CHRM5: variants seen among roughly 807,000 people sequenced by gnomAD.
CHRM5 encodes the protein muscarinic acetylcholine receptor M5.
CHRM5 carries 18 observed loss-of-function variants against 39.0 expected under a neutral mutation model. The observed-to-expected ratio is 0.46, with a 90% CI of 0.32 to 0.68. The LOEUF is 0.68. Ranked by LOEUF, CHRM5 falls within the 30% of genes least tolerant of loss-of-function variation. The pLI is 0.04. For missense variants in CHRM5, 515 were observed against 651.1 expected (o/e 0.79, Z 2.28); for synonymous variants, 241 against 246.3 (o/e 0.98, Z 0.20).
At chr15:33,970,097 G>A (rs948110893) in intron 1 of CHRM5, among the ~76,000 whole-genome samples, 1 of 151,982 alleles carries the variant, frequency 6.6e-6, no homozygotes, top group Non-Finnish European at 1.5e-5. Context: ...GAAGAGAGGA[G>A]ACAGGGAAAC....
At chr15:34,056,006 C>T (rs73389935) in intron 2 of CHRM5, among the ~76,000 whole-genome samples, 2,604 of 152,170 alleles carry the variant, frequency 0.017, 88 homozygotes, top group African/African-American at 0.061. Flanking sequence ...GTGTGAGCCA[C>T]CACACCCAGC....
rs561757870 is a variant in CHRM5, at chr15:33,983,175, T to C, written c.-408+14025T>C. ...GTGTGTGTGTATGTGTGTGTGTATA[T>C]ATACACACGTGTGTGTATGTGTGTG... On this transcript the variant is annotated intron_variant, in intron 1 of 2. Coordinates refer to ENST00000383263, the MANE Select transcript of CHRM5 (RefSeq NM_012125.4). 2.4e-3 allele frequency among the ~76,000 whole-genome samples: 299 copies of C among 124,358 alleles called. 1 individual carries two copies. Among genetic ancestry groups the C allele is most frequent in the Non-Finnish European group, 3.2e-3 (200 of 63,162 alleles). The allele number at this position is 124,358 out of a possible 152,430, so 81.6% of individuals were successfully genotyped here.
In CHRM5 at chr15:34,012,790, T is replaced by G. The variant is rs572268686; in HGVS notation, c.-407-33750T>G. Among the ~76,000 whole-genome samples, 537 of 152,334 alleles carry G rather than the reference T, an allele frequency of 3.5e-3. 4 individuals are homozygous for G. The highest frequency in any genetic ancestry group is 4.2e-3 in the Non-Finnish European group (284 of 68,022). Reference sequence around the variant, plus strand: ...ATTACTGAACTAGAAGGAACCTAGATAGGTCAAGCCTCTGCCCTCAAGCAA... The same window carrying G: ...ATTACTGAACTAGAAGGAACCTAGAGAGGTCAAGCCTCTGCCCTCAAGCAA... On this transcript the variant is annotated intron_variant, in intron 1 of 2. Coordinates refer to ENST00000383263, the MANE Select transcript of CHRM5 (RefSeq NM_012125.4).
intron 1 of CHRM5, among the ~76,000 whole-genome samples, chr15:33,983,215 C>CACATAT (rs1555512819): frequency 1.8e-5 from 2 of 111,784 alleles, no homozygotes; most frequent in East Asian, 3.0e-4. Flanking sequence ...TATATATATA[C>CACATAT]ATATATATAC....
intron 1 of CHRM5, among the ~76,000 whole-genome samples, chr15:34,031,767 G>T (rs563248288): frequency 6.6e-6 from 1 of 152,178 alleles, no homozygotes; most frequent in South Asian, 2.1e-4. Flanking sequence ...ACAAAATCAG[G>T]TTGGTCAGAT....
At chr15:33,984,465 T>A (rs1447167462) in intron 1 of CHRM5, among the ~76,000 whole-genome samples, 1 of 151,862 alleles carries the variant, frequency 6.6e-6, no homozygotes, top group African/African-American at 2.4e-5. Context: ...TGCAATGGCA[T>A]GATCTCGGCT....
chr15:34,014,965 T>G (rs534306073), intron 1 of CHRM5, among the ~76,000 whole-genome samples: 4 of 152,134 alleles, frequency 2.6e-5, no homozygotes, highest in African/African-American at 9.6e-5. Context: ...GGTGCCGGAT[T>G]TGAGAAGCAG....
intron 2 of CHRM5, among the ~76,000 whole-genome samples, chr15:34,053,589 T>G (rs1014748585): frequency 2.0e-5 from 3 of 151,998 alleles, no homozygotes; most frequent in African/African-American, 7.2e-5. Context: ...AAGGATTCCC[T>G]ATTTCATAAA....
intron 1 of CHRM5, among the ~76,000 whole-genome samples, chr15:34,014,216 T>A (rs1180647145): frequency 6.6e-6 from 1 of 151,646 alleles, no homozygotes; most frequent in Non-Finnish European, 1.5e-5. Flanking sequence ...TATGAAAAAT[T>A]AGCCAGGCGT....
At chr15:34,053,324 AT>A (rs1462917363) in intron 2 of CHRM5, among the ~76,000 whole-genome samples, 15 of 113,774 alleles carry the variant, frequency 1.3e-4, no homozygotes, top group African/African-American at 5.4e-4. Context: ...AAAAAAATAT[AT>A]ATATATATAT....
intron 1 of CHRM5, among the ~76,000 whole-genome samples, chr15:34,019,691 T>G (rs183149268): frequency 7.0e-4 from 107 of 152,348 alleles, no homozygotes; most frequent in Admixed American, 3.6e-3. Flanking sequence ...GTGATATAAC[T>G]GTCTACAGTA....
At chr15:33,994,092 C>CG (rs1321466288) in intron 1 of CHRM5, among the ~76,000 whole-genome samples, 3 of 152,214 alleles carry the variant, frequency 2.0e-5, no homozygotes, top group African/African-American at 4.8e-5. Context: ...GGATCAGTAC[C>CG]GGTCTGTGGC....
chr15:34,035,646 G>A (rs1413004432), intron 1 of CHRM5, among the ~76,000 whole-genome samples: 1 of 152,130 alleles, frequency 6.6e-6, no homozygotes, highest in Non-Finnish European at 1.5e-5. Flanking sequence ...GTGAATTACT[G>A]TTATTACTAG....
chr15:34,010,427 C>G (rs909967165), intron 1 of CHRM5, among the ~76,000 whole-genome samples: 5 of 152,116 alleles, frequency 3.3e-5, no homozygotes, highest in African/African-American at 1.2e-4. Flanking sequence ...GTTATTAATA[C>G]TAATAACATA....
At chr15:34,038,900 T>TCCGCCTCCGTCCCCGCCGC (rs1899312689) in intron 1 of CHRM5, 2 of 1,121,412 alleles carry the variant, frequency 1.8e-6, no homozygotes, top group Non-Finnish European at 2.2e-6. Context: ...GGCCCCGGCG[T>TCCGCCTCCGTCCCCGCCGC]CCGCCTCCGT....
intron 1 of CHRM5, among the ~76,000 whole-genome samples, chr15:34,004,564 A>ATTGT (rs1318399362): frequency 6.6e-6 from 1 of 152,164 alleles, no homozygotes. Flanking sequence ...CCACTAATTT[A>ATTGT]TTGTTTGTTT....
intron 1 of CHRM5, among the ~76,000 whole-genome samples, chr15:34,038,174 T>C (rs1477290706): frequency 6.6e-6 from 1 of 152,186 alleles, no homozygotes; most frequent in African/African-American, 2.4e-5. Flanking sequence ...TTTCTACACA[T>C]ACAGGCATAA....
At chr15:34,029,552 A>G (rs2140753762) in intron 1 of CHRM5, among the ~76,000 whole-genome samples, 1 of 151,148 alleles carries the variant, frequency 6.6e-6, no homozygotes, top group South Asian at 2.1e-4. Flanking sequence ...TTGAAAAGGA[A>G]ATGGTTTTAA....
At position 34,065,975 on chromosome 15, in the gene CHRM5, A is replaced by T. The variant is rs1410039451; in HGVS notation, c.*1659A>T. The T allele has an allele frequency of 6.6e-6, 1 of 152,236 alleles. No individual in the cohort carries two copies. The highest frequency in any genetic ancestry group is 2.4e-5 in the African/African-American group (1 of 41,444). 9.4% of individuals were successfully genotyped at this position (152,236 alleles called of 1,614,324 possible). On this transcript the variant is annotated 3_prime_UTR_variant, in exon 3 of 3. Transcript: ENST00000383263. ...GTCCTGGGAATTAGATATGTACCTG[A>T]GTATGGGAGAGCTTCAGCCTACCAC...
Sources: allele counts gnomAD v4.1 joint callset (sites outside exome capture counted in the v4.1 genomes callset), GRCh38; gene constraint gnomAD v4.1.1; transcripts MANE v1.5; gene names NCBI Gene and HGNC (gene_info 2026-07-23, HGNC 2026-07-21).